The following C1orf105 variants were observed in gnomAD, a reference collection of about 807,000 sequenced individuals.
The protein encoded by C1orf105 is chromosome 1 open reading frame 105, also known as uncharacterized protein C1orf105.
A neutral mutation model predicts 20.8 loss-of-function variants in C1orf105; 17 were observed. The observed-to-expected ratio is 0.82, with a 90% CI of 0.56 to 1.23. The LOEUF (loss-of-function observed/expected upper bound fraction) is 1.23, where lower values mean the gene tolerates loss of function less well. Ranked by LOEUF, C1orf105 falls within the 50% of genes most tolerant of loss-of-function variation. C1orf105 has a pLI of 0.00. For synonymous variants in C1orf105, 72 were observed against 72.1 expected, an observed-to-expected ratio of 1.00 and a Z score of 0.01; for missense variants, 219 against 213.5, an observed-to-expected ratio of 1.03 and a Z score of -0.16.
chr1:172,451,811 T>G (rs1289423941), intron 3 of C1orf105, among the ~76,000 whole-genome samples: 1 of 151,744 alleles, frequency 6.6e-6, no homozygotes, highest in Non-Finnish European at 1.5e-5. Flanking sequence ...AATTGTTCTT[T>G]GAGCACTACT....
intron 5 of C1orf105, among the ~76,000 whole-genome samples, chr1:172,465,012 A>G (rs1473703582): frequency 6.6e-6 from 1 of 152,010 alleles, no homozygotes; most frequent in Non-Finnish European, 1.5e-5. Context: ...GTGAAACCCC[A>G]TCTCTACTGA....
At chr1:172,449,491 G>A (rs919077191) in intron 3 of C1orf105, among the ~76,000 whole-genome samples, 2 of 152,170 alleles carry the variant, frequency 1.3e-5, no homozygotes, top group African/African-American at 2.4e-5. Flanking sequence ...AGGGGTGGAG[G>A]AAGAACTGGA....
chr1:172,462,116 A>C, intron 4 of C1orf105, 62 bp from the exon 5 acceptor site: 1 of 1,208,916 alleles, frequency 8.3e-7, no homozygotes, highest in Non-Finnish European at 1.2e-6. Context: ...AAAGTGGTAC[A>C]TTATTTATTT....
At chr1:172,444,390 C>G (rs567493020) in intron 1 of C1orf105, 3 of 735,112 alleles carry the variant, frequency 4.1e-6, no homozygotes, top group Admixed American at 1.3e-4. Context: ...TGGGACTTCC[C>G]GTGCATCCAT....
At position 172,440,212 on chromosome 1, in the gene C1orf105, T is replaced by C. The variant is rs139302629; in HGVS notation, c.22-4861T>C. Among the ~76,000 whole-genome samples, 408 of 152,352 alleles carry C rather than the reference T, an allele frequency of 2.7e-3. 2 individuals carry two copies. Among genetic ancestry groups the C allele is most frequent in the African/African-American group, 9.0e-3 (376 of 41,586 alleles). On this transcript the variant is annotated intron_variant, in intron 1 of 6. Transcript: ENST00000367727. ...AAATTTCTGATTTGAAATTAATTCCTAGTGATAAAAGGACAGTATAGAAAC... is the reference window on the plus strand; with the variant it reads ...AAATTTCTGATTTGAAATTAATTCCCAGTGATAAAAGGACAGTATAGAAAC...
intron 1 of C1orf105, among the ~76,000 whole-genome samples, chr1:172,431,916 A>T (rs2071886525): frequency 1.3e-5 from 2 of 152,260 alleles, no homozygotes; most frequent in South Asian, 4.1e-4. Flanking sequence ...AGGTCTTAGC[A>T]ACCGGCAGAC....
chr1:172,465,624 T>C (rs1450264366), intron 6 of C1orf105: 2 of 606,190 alleles, frequency 3.3e-6, no homozygotes, highest in Non-Finnish European at 6.2e-6. Flanking sequence ...CCACAACATA[T>C]GGCTGAAGAC....
intron 1 of C1orf105, among the ~76,000 whole-genome samples, chr1:172,435,307 G>C (rs1324643458): frequency 1.3e-5 from 2 of 152,098 alleles, no homozygotes; most frequent in East Asian, 3.8e-4. Context: ...GAGAACTTTA[G>C]GCCAATATCC....
chr1:172,420,918 AT>A lies in C1orf105; in HGVS notation c.21+13del. On this transcript the variant is annotated intron_variant, in intron 1 of 6. Coordinates refer to ENST00000367727, the MANE Select transcript of C1orf105 (RefSeq NM_139240.4). ...AAAGAGAACTAAAGGTAGGAAAAAAATAAATGAAACTTCCAATTCTTTCCTT... is the reference window on the plus strand; with the variant it reads ...AAAGAGAACTAAAGGTAGGAAAAAAAAAATGAAACTTCCAATTCTTTCCTT... 6.2e-7 allele frequency: 1 copy of A among 1,602,846 alleles called. No homozygotes were observed. The highest frequency in any genetic ancestry group is 1.3e-5 in the African/African-American group (1 of 74,748).
intron 1 of C1orf105, among the ~76,000 whole-genome samples, chr1:172,425,453 A>G (rs1009104441): frequency 6.6e-6 from 1 of 152,024 alleles, no homozygotes; most frequent in African/African-American, 2.4e-5. Context: ...TTACGAAAGG[A>G]AAAAAAAGCA....
chr1:172,439,211 T>A (rs1049766309), intron 1 of C1orf105, among the ~76,000 whole-genome samples: 1 of 152,216 alleles, frequency 6.6e-6, no homozygotes, highest in African/African-American at 2.4e-5. Flanking sequence ...CATGTCTATA[T>A]ATACACACTT....
chr1:172,437,232 T>C (rs2072067268), intron 1 of C1orf105, among the ~76,000 whole-genome samples: 1 of 152,182 alleles, frequency 6.6e-6, no homozygotes, highest in East Asian at 1.9e-4. Flanking sequence ...ATCCCATTAC[T>C]GGGTATATAC....
intron 1 of C1orf105, among the ~76,000 whole-genome samples, chr1:172,428,225 C>T (rs553248206): frequency 6.6e-6 from 1 of 152,276 alleles, no homozygotes; most frequent in East Asian, 1.9e-4. Context: ...CTCTGCCATC[C>T]TCTGTTTTGA....
chr1:172,453,483 C>T (rs1648891805), intron 3 of C1orf105, among the ~76,000 whole-genome samples: 1 of 152,182 alleles, frequency 6.6e-6, no homozygotes, highest in Admixed American at 6.5e-5. Flanking sequence ...GACCGTGTTA[C>T]AATAGTGATC....
chr1:172,438,312 T>C (rs753024423), intron 1 of C1orf105, among the ~76,000 whole-genome samples: 3 of 152,224 alleles, frequency 2.0e-5, no homozygotes, highest in South Asian at 2.1e-4. Context: ...GATCTAGGCA[T>C]TGCCATTAAG....
chr1:172,452,881 T>C (rs1195925609), intron 3 of C1orf105: 31 of 1,472,738 alleles, frequency 2.1e-5, no homozygotes, highest in Non-Finnish European at 2.7e-5. Context: ...CAGAGCATTG[T>C]ACTGTGAATG....
At chr1:172,429,448 C>T (rs1010363113) in intron 1 of C1orf105, among the ~76,000 whole-genome samples, 1 of 152,232 alleles carries the variant, frequency 6.6e-6, no homozygotes, top group African/African-American at 2.4e-5. Flanking sequence ...TTTCAAGACT[C>T]TAATTGCATC....
At chr1:172,450,690 C>A (rs1484582979) in intron 3 of C1orf105, among the ~76,000 whole-genome samples, 2 of 152,222 alleles carry the variant, frequency 1.3e-5, no homozygotes, top group East Asian at 1.9e-4. Flanking sequence ...AAGGGCAGAA[C>A]TTTAAACACC....
intron 4 of C1orf105, among the ~76,000 whole-genome samples, 189 bp from the exon 5 acceptor site, chr1:172,461,989 C>G (rs1264959916): frequency 6.6e-6 from 1 of 152,176 alleles, no homozygotes; most frequent in Non-Finnish European, 1.5e-5. Flanking sequence ...CTAATTTCAA[C>G]TGATATCCAG....
Sources: gnomAD v4.1 joint callset for allele counts (sites outside exome capture counted in the v4.1 genomes callset) on GRCh38, gnomAD v4.1.1 for gene constraint, MANE v1.5 for transcripts, NCBI Gene and HGNC (gene_info 2026-07-23, HGNC 2026-07-21) for gene names.